VIT: variants seen among roughly 807,000 people sequenced by gnomAD.
VIT encodes vitrin.
VIT carries 99 observed loss-of-function variants against 78.0 expected under a neutral mutation model. The observed-to-expected ratio is 1.27, with a 90% CI of 1.08 to 1.50. The LOEUF is 1.50. VIT is among the 40% of genes most tolerant of loss of function. The pLI is 0.00. For missense variants in VIT, 1,126 were observed against 875.3 expected (o/e 1.29, Z -3.61); for synonymous variants, 374 against 334.3 (o/e 1.12, Z -1.29).
chr2:36,699,241 A>G (rs1253368789), intron 1 of VIT, among the ~76,000 whole-genome samples: 2 of 151,844 alleles, frequency 1.3e-5, no homozygotes, highest in Non-Finnish European at 1.5e-5. Context: ...TCTCTATTTC[A>G]TCACATACGA....
intron 2 of VIT, among the ~76,000 whole-genome samples, chr2:36,725,818 T>C (rs1020789058): frequency 6.6e-6 from 1 of 152,152 alleles, no homozygotes; most frequent in Non-Finnish European, 1.5e-5. Context: ...ACGCCTGTAA[T>C]CCCAGCACTT....
intron 15 of VIT, among the ~76,000 whole-genome samples, chr2:36,811,670 CTT>C (rs1168391003): frequency 2.8e-5 from 4 of 143,300 alleles, no homozygotes; most frequent in Admixed American, 7.0e-5. Flanking sequence ...TTCTTTCTTT[CTT>C]TTTTTTTTTT....
Position 36,767,693 on chromosome 2 carries a change from T to C in VIT, c.679+408T>C, listed in dbSNP as rs182477535. On this transcript the variant is annotated intron_variant, in intron 7 of 15. Coordinates refer to ENST00000379242, the MANE Select transcript of VIT (RefSeq NM_053276.4). The stretch of plus-strand genomic sequence containing the variant: ...CTTTAGGAAAAGTCAGCTAATGTTT[T>C]TGTTCCTTTTCTGATGGTTTTTTGT... Among the ~76,000 whole-genome samples, 178 of 152,328 alleles carry C rather than the reference T, an allele frequency of 1.2e-3. 1 individual carries two copies. The highest frequency in any genetic ancestry group is 6.8e-3 in the Middle Eastern group (2 of 294).
intron 3 of VIT, among the ~76,000 whole-genome samples, chr2:36,739,577 C>G (rs1375051312): frequency 2.0e-5 from 3 of 152,114 alleles, no homozygotes; most frequent in Non-Finnish European, 4.4e-5. Flanking sequence ...GGTAATCCTA[C>G]AGTTCGATCT....
intron 2 of VIT, 88 bp from the exon 3 acceptor site, chr2:36,729,338 G>GTGGA: frequency 1.7e-6 from 2 of 1,157,612 alleles, no homozygotes; most frequent in East Asian, 5.3e-5. Context: ...AGAATACTTT[G>GTGGA]TGGATGATCG....
At chr2:36,783,317 A>G (rs751421794) in intron 10 of VIT, 23 bp from the exon 11 acceptor site, 2 of 1,613,714 alleles carry the variant, frequency 1.2e-6, no homozygotes, top group South Asian at 1.1e-5. Flanking sequence ...GTAAGTCACC[A>G]AAAGTTTTAC....
chr2:36,790,048 A>G (rs1451406103), intron 12 of VIT, among the ~76,000 whole-genome samples: 1 of 152,252 alleles, frequency 6.6e-6, no homozygotes, highest in Non-Finnish European at 1.5e-5. Context: ...TTAGAACTTG[A>G]AAGACAAATT....
At chr2:36,704,177 C>G (rs561079804) in intron 1 of VIT, among the ~76,000 whole-genome samples, 1 of 151,974 alleles carries the variant, frequency 6.6e-6, no homozygotes, top group Non-Finnish European at 1.5e-5. Flanking sequence ...CCACCCACCT[C>G]GGCCTCCCAA....
intron 9 of VIT, among the ~76,000 whole-genome samples, chr2:36,778,133 C>T (rs373271160): frequency 6.6e-6 from 1 of 152,222 alleles, no homozygotes; most frequent in African/African-American, 2.4e-5. Context: ...AAAAAATGTA[C>T]TGAGCATACT....
chr2:36,723,120 C>G (rs547002176), intron 2 of VIT, among the ~76,000 whole-genome samples: 182 of 151,952 alleles, frequency 1.2e-3, no homozygotes, highest in African/African-American at 4.3e-3. Flanking sequence ...ATATTTTAAC[C>G]TTGTCAGAGT....
chr2:36,786,473 C>T (rs1224756530), intron 11 of VIT, among the ~76,000 whole-genome samples: 1 of 152,114 alleles, frequency 6.6e-6, no homozygotes, highest in South Asian at 2.1e-4. Context: ...CATATATCCA[C>T]AGAGATCCAG....
rs763219020 is a variant in VIT, at chr2:36,773,879, A to T, written c.736+32A>T. ...CCTTAAACTCCCTTTCCAGCCACTGATGAAAGTTAAGCTTGTTTACATGCG... is the reference window on the plus strand; with the variant it reads ...CCTTAAACTCCCTTTCCAGCCACTGTTGAAAGTTAAGCTTGTTTACATGCG... On this transcript the variant is annotated intron_variant, in intron 8 of 15. Coordinates refer to ENST00000379242, the MANE Select transcript of VIT (RefSeq NM_053276.4). The T allele has an allele frequency of 5.7e-6, 9 of 1,572,136 alleles. No homozygotes were observed. In the South Asian group the frequency reaches 1.1e-4, roughly 19 times the overall value.
chr2:36,704,588 GGTCTCCT>G (rs923262852), intron 1 of VIT, among the ~76,000 whole-genome samples: 1 of 152,086 alleles, frequency 6.6e-6, no homozygotes, highest in Non-Finnish European at 1.5e-5. Flanking sequence ...TGGAGAGCTG[GGTCTCCT>G]GCTTCTAAAT....
At chr2:36,716,301 A>G (rs996489290) in intron 1 of VIT, 52 bp from the exon 2 acceptor site, 10 of 1,530,356 alleles carry the variant, frequency 6.5e-6, no homozygotes, top group Non-Finnish European at 9.0e-6. Context: ...TGTGCATCCA[A>G]ATCAGAACCC....
Position 36,814,264 on chromosome 2 carries a change from A to G in VIT, c.1985A>G (p.His662Arg). 1 of 1,613,902 alleles carries G rather than the reference A, an allele frequency of 6.2e-7. No individual in the cohort carries two copies. ...EVIATHPARD[H>R]SFFVDEFDNL... Reference sequence around the variant, plus strand: ...ATTGCCACTCACCCCGCCAGAGACCACTCCTTCTTTGTGGACGAGTTTGAC... The same window carrying G: ...ATTGCCACTCACCCCGCCAGAGACCGCTCCTTCTTTGTGGACGAGTTTGAC... The change falls in exon 16 of 16, where the codon CAC becomes CGC. Residue 662 changes from histidine (H) to arginine (R), a missense_variant. Physicochemically the swap from His to Arg is conservative, Grantham distance 29. Transcript: ENST00000379242.
intron 6 of VIT, among the ~76,000 whole-genome samples, chr2:36,764,597 C>T (rs1398401706): frequency 6.6e-6 from 1 of 152,172 alleles, no homozygotes; most frequent in Non-Finnish European, 1.5e-5. Context: ...ACCAACTTAG[C>T]AAGAAACAAG....
rs531294835 is a variant in VIT at position 36,792,417 on chromosome 2, C to T, written c.1058+5141C>T. Among the ~76,000 whole-genome samples the T allele has an allele frequency of 2.6e-5, 4 of 152,276 alleles. No individual in the cohort carries two copies. The South Asian group carries it at 8.3e-4, about 32-fold the overall frequency. Reference sequence around the variant, plus strand: ...TTCTGCCTCCCATGCTTTTATTTCCCTATCATGCAGGGCTCCTGGAGGTAC... The same window carrying T: ...TTCTGCCTCCCATGCTTTTATTTCCTTATCATGCAGGGCTCCTGGAGGTAC... On this transcript the variant is annotated intron_variant, in intron 12 of 15. Transcript: ENST00000379242.
chr2:36,808,051 G>C lies in VIT; in HGVS notation c.1390-421G>C, dbSNP rs1464277178. 2.6e-5 allele frequency among the ~76,000 whole-genome samples: 4 copies of C among 152,214 alleles called. No individual in the cohort carries two copies. In the East Asian group the frequency reaches 7.7e-4, roughly 29 times the overall value. ...GGAGACATTTCCATAGCGATTTCTT[G>C]TGTATGTCATCTCTTTTCCGAACTG... On this transcript the variant is annotated intron_variant, in intron 14 of 15. Transcript: ENST00000379242.
chr2:36,812,677 C>T (rs535513352), intron 15 of VIT, among the ~76,000 whole-genome samples: 2 of 152,254 alleles, frequency 1.3e-5, no homozygotes, highest in Admixed American at 1.3e-4. Flanking sequence ...ACTCCATGTT[C>T]TGCTCCAGTT....
Sources: gnomAD v4.1 joint callset for allele counts (sites outside exome capture counted in the v4.1 genomes callset) on GRCh38, gnomAD v4.1.1 for gene constraint, MANE v1.5 for transcripts, NCBI Gene and HGNC (gene_info 2026-07-23, HGNC 2026-07-21) for gene names.